The following DHX29 variants were observed in gnomAD, a reference collection of about 807,000 sequenced individuals.
DHX29 encodes DExH-box helicase 29.
In DHX29, 79 loss-of-function variants were observed where a neutral mutation model predicts 167.9. That is an observed-to-expected ratio of 0.47 (90% CI 0.39 to 0.57). The LOEUF is 0.57. DHX29 is among the 20% of genes least tolerant of loss of function. The pLI is 0.00. For missense variants in DHX29, 1,347 were observed against 1,593.4 expected, an observed-to-expected ratio of 0.85 and a Z score of 2.63; for synonymous variants, 530 against 546.0, an observed-to-expected ratio of 0.97 and a Z score of 0.41.
chr5:55,307,656 C>G lies in DHX29; in HGVS notation c.-83G>C. 6.6e-7 allele frequency: 1 copy of G among 1,523,744 alleles called. No homozygotes were observed. The highest frequency in any genetic ancestry group is 8.9e-7 in the Non-Finnish European group (1 of 1,125,672). The allele number at this position is 1,523,744 out of a possible 1,614,324, so 94.4% of individuals were successfully genotyped here. On this transcript the variant is annotated 5_prime_UTR_variant, in exon 1 of 27. Coordinates refer to ENST00000251636, the MANE Select transcript of DHX29 (RefSeq NM_019030.4). ...GCCGAGAGCTCTTCACATTCCCCGG[C>G]TCCGGGGCTGCCACCCTGCGCTTCG... is the stretch of plus-strand genomic sequence containing the variant.
At chr5:55,284,905 A>G (rs1441100571) in intron 10 of DHX29, among the ~76,000 whole-genome samples, 1 of 152,180 alleles carries the variant, frequency 6.6e-6, no homozygotes, top group East Asian at 1.9e-4. Context: ...GTGGTGGCAC[A>G]TGCCTGTAGT....
At chr5:55,270,355 T>C in intron 20 of DHX29, 57 bp downstream of exon 20, 5 of 1,510,798 alleles carry the variant, frequency 3.3e-6, no homozygotes, top group Non-Finnish European at 4.4e-6. Context: ...TGTTCATTTT[T>C]TTTCTTTTCT....
At chr5:55,286,492 A>G (rs1190851304) in intron 8 of DHX29, among the ~76,000 whole-genome samples, 1 of 152,200 alleles carries the variant, frequency 6.6e-6, no homozygotes, top group Non-Finnish European at 1.5e-5. Flanking sequence ...CATTAAGAAA[A>G]TAGAAATCAG....
chr5:55,296,394 C>T (rs1396011404), intron 3 of DHX29, 45 bp from the exon 4 acceptor site: 1 of 1,576,168 alleles, frequency 6.3e-7, no homozygotes, highest in Non-Finnish European at 8.6e-7. Context: ...TCAAAGTTCC[C>T]TTCCTGTGTT....
chr5:55,264,839 A>G (rs926835055), intron 23 of DHX29, among the ~76,000 whole-genome samples: 1 of 152,224 alleles, frequency 6.6e-6, no homozygotes, highest in Non-Finnish European at 1.5e-5. Context: ...ATTTTCTTGT[A>G]TAGACTGTAC....
chr5:55,295,428 G>T lies in DHX29; in HGVS notation c.602C>A (p.Pro201His). ...QSPQIQATIS[P>H]PLQPKTKTYE... is the part of the protein sequence containing the mutation. ...TGTTTTTGTTTTAGGTTGCAATGGA[G>T]GTGAAATAGTGGCTTGTATTTGAGG... The change falls in exon 5 of 27, where the codon CCT becomes CAT. Residue 201 changes from proline (P) to histidine (H), a missense_variant. Coordinates refer to ENST00000251636, the MANE Select transcript of DHX29 (RefSeq NM_019030.4). 1 of 1,613,508 alleles carries T rather than the reference G, an allele frequency of 6.2e-7. No individual in the cohort carries two copies. The highest frequency in any genetic ancestry group is 8.5e-7 in the Non-Finnish European group (1 of 1,179,504).
chr5:55,272,159 T>C lies in DHX29; in HGVS notation c.2792A>G (p.Asn931Ser), dbSNP rs1198637775. The C allele has an allele frequency of 2.5e-6, 4 of 1,579,244 alleles. No individual in the cohort carries two copies. Among genetic ancestry groups the C allele is most frequent in the South Asian group, 1.2e-5 (1 of 84,256 alleles). Residue 931 changes from asparagine (N) to serine (S), a missense_variant, in exon 18 of 27, where the codon AAT becomes AGT. By Grantham distance (46) the Asn-to-Ser change is conservative. Transcript: ENST00000251636. ...PGVRKIVLAT[N>S]IAETGITIPD... is the part of the protein sequence containing the mutation. ...AATAGTGATACCCGTCTCTGCAATA[T>C]TGGTTGCTAAAACAATCTGAAAATA... is the stretch of plus-strand genomic sequence containing the variant.
rs1294499463 is a variant in DHX29, at chr5:55,292,507, A to G, written c.780+1510T>C. Among the ~76,000 whole-genome samples the G allele has an allele frequency of 2.0e-5, 3 of 152,256 alleles. No individual in the cohort carries two copies. The East Asian group carries it at 5.8e-4, about 29-fold the overall frequency. ...TTCCAAATTGCTCTAAACATCACTC[A>G]ATATTCCAAACCACCTCGAATGCTA... On this transcript the variant is annotated intron_variant, in intron 6 of 26. Transcript: ENST00000251636.
At chr5:55,306,161 A>T (rs919834489) in intron 1 of DHX29, among the ~76,000 whole-genome samples, 5 of 152,200 alleles carry the variant, frequency 3.3e-5, no homozygotes, top group Non-Finnish European at 7.4e-5. Flanking sequence ...ACACTACAAT[A>T]AATCGCAGGG....
At chr5:55,298,080 A>G (rs945574636) in intron 2 of DHX29, among the ~76,000 whole-genome samples, 2 of 152,218 alleles carry the variant, frequency 1.3e-5, no homozygotes, top group African/African-American at 4.8e-5. Flanking sequence ...CAGCATGGCA[A>G]TTCTCAAAAA....
chr5:55,270,284 G>C, intron 20 of DHX29, 128 bp downstream of exon 20: 1 of 1,008,362 alleles, frequency 9.9e-7, no homozygotes, highest in Non-Finnish European at 1.4e-6. Context: ...GATGGATAAG[G>C]GCATATATTA....
chr5:55,283,411 T>C lies in DHX29; in HGVS notation c.1757A>G (p.Lys586Arg). The change falls in exon 11 of 27, where the codon AAA becomes AGA. Residue 586 changes from lysine (K) to arginine (R), a missense_variant. Lys to Arg is a conservative substitution (Grantham distance 26). Coordinates refer to ENST00000251636, the MANE Select transcript of DHX29 (RefSeq NM_019030.4). ...KHRDSIVETL[K>R]RHRVVVVAGE... ...TGCCACAACCACTACCCGATGCCTT[T>C]TAAGAGTTTCAACAATTGAGTCCCG... The C allele has an allele frequency of 1.2e-6, 2 of 1,614,190 alleles. No individual in the cohort carries two copies. The highest frequency in any genetic ancestry group is 1.1e-5 in the South Asian group (1 of 91,080).
At position 55,277,083 on chromosome 5, in the gene DHX29, CA is replaced by C. The variant is rs764799608; in HGVS notation, c.2286+22del. 2.2e-5 allele frequency: 34 copies of C among 1,567,812 alleles called. 1 individual carries two copies. In the South Asian group the frequency reaches 3.6e-4, roughly 17 times the overall value. On this transcript the variant is annotated intron_variant, in intron 13 of 26. Transcript: ENST00000251636. ...GGTGGGAATGCAGTTTCTGCTTATA[CA>C]CACATTATAAAGAAAACTTACCTCA...
chr5:55,271,932 T>C (rs1746871130), intron 18 of DHX29, among the ~76,000 whole-genome samples, 155 bp downstream of exon 18: 1 of 152,214 alleles, frequency 6.6e-6, no homozygotes, highest in African/African-American at 2.4e-5. Flanking sequence ...TCAGATATTT[T>C]AAAGTTTCCT....
chr5:55,269,703 T>C (rs947380077), intron 20 of DHX29, 66 bp from the exon 21 acceptor site: 7 of 1,318,998 alleles, frequency 5.3e-6, no homozygotes, highest in Non-Finnish European at 6.4e-6. Context: ...AATGAGATGT[T>C]AGTGGAACTA....
At chr5:55,302,701 G>A (rs1748666376) in intron 1 of DHX29, among the ~76,000 whole-genome samples, 1 of 151,750 alleles carries the variant, frequency 6.6e-6, no homozygotes, top group African/African-American at 2.4e-5. Context: ...AGTTTCAACT[G>A]TATCACTTCC....
chr5:55,294,643 C>T (rs2111953223), intron 5 of DHX29, among the ~76,000 whole-genome samples: 1 of 152,306 alleles, frequency 6.6e-6, no homozygotes, highest in South Asian at 2.1e-4. Context: ...CAGTGCCATT[C>T]ACTCCAGCCT....
At position 55,259,898 on chromosome 5, in the gene DHX29, A is replaced by G; in HGVS notation, c.4007T>C (p.Ile1336Thr). 6.2e-7 allele frequency: 1 copy of G among 1,613,276 alleles called. No individual in the cohort carries two copies. The highest frequency in any genetic ancestry group is 1.1e-5 in the South Asian group (1 of 91,024). ...AVIFKQLRVL[I>T]DSVLRKKLEN... ...AAGCTTTTTTCTTAAAACTGAATCA[A>G]TGAGAACTCTCAGCTGCTTGAAAAT... Residue 1336 changes from isoleucine to threonine, a missense_variant, in exon 26 of 27, where the codon ATT (isoleucine) becomes ACT (threonine). By Grantham distance (89) the Ile-to-Thr change is moderately conservative. Transcript: ENST00000251636.
chr5:55,282,724 T>TAAA (rs1240868926), intron 11 of DHX29, among the ~76,000 whole-genome samples: 17 of 152,280 alleles, frequency 1.1e-4, no homozygotes, highest in African/African-American at 3.6e-4. Flanking sequence ...TGACAATAGA[T>TAAA]ATTTAAGTAT....
Sources: allele counts gnomAD v4.1 joint callset (sites outside exome capture counted in the v4.1 genomes callset), GRCh38; gene constraint gnomAD v4.1.1; transcripts MANE v1.5; gene names NCBI Gene and HGNC (gene_info 2026-07-23, HGNC 2026-07-21).